CEBPZ: variants seen among roughly 807,000 people sequenced by gnomAD.
The protein encoded by CEBPZ is CCAAT/enhancer-binding protein zeta.
CEBPZ carries 78 observed loss-of-function variants against 104.5 expected under a neutral mutation model. That is an observed-to-expected ratio of 0.75 (90% CI 0.62 to 0.90). The LOEUF (loss-of-function observed/expected upper bound fraction) is 0.90. CEBPZ is among the 40% of genes least tolerant of loss of function. The pLI, the probability that CEBPZ is intolerant of heterozygous loss-of-function variation, is 0.00. For synonymous variants in CEBPZ, 470 were observed against 427.0 expected, an observed-to-expected ratio of 1.10 and a Z score of -1.24; for missense variants, 1,439 against 1,233.5, an observed-to-expected ratio of 1.17 and a Z score of -2.50.
At chr2:37,212,932 G>T (rs142156281) in intron 10 of CEBPZ, among the ~76,000 whole-genome samples, 1 of 150,154 alleles carries the variant, frequency 6.7e-6, no homozygotes, top group African/African-American at 2.5e-5. Flanking sequence ...CCAGCTACCC[G>T]TGGGGCTGAG....
rs544897966 is a variant in CEBPZ, at chr2:37,212,351, C to T, written c.2587G>A (p.Asp863Asn). The change falls in exon 11 of 16, where the codon GAT becomes AAT. Residue 863 changes from aspartate to asparagine, a missense_variant. By Grantham distance (23) the Asp-to-Asn change is conservative (BLOSUM62 1). Transcript: ENST00000234170. ...GTATGTTACCCAGCAAAATCCATAT[C>T]ATCCTTTCCAGAGCTGAAACAGTTA... is the stretch of plus-strand genomic sequence containing the variant. ...DDNCFSSGKD[D>N]MDFAGNVKKR... 4.6e-5 allele frequency: 74 copies of T among 1,613,538 alleles called. No individual in the cohort carries two copies. The East Asian group carries it at 1.5e-3, about 34-fold the overall frequency.
rs751735282 is a variant in CEBPZ at position 37,222,369 on chromosome 2, A to G, written c.2065+11T>C. 1 of 1,565,282 alleles carries G rather than the reference A, an allele frequency of 6.4e-7. No individual in the cohort carries two copies. On this transcript the variant is annotated intron_variant, in intron 4 of 15. Transcript: ENST00000234170. ...CAAACTCCCTAGAGAATAAAGATGA[A>G]AAAAACTCACCTTTCAAATTATCAA...
chr2:37,226,016 A>G (rs538552819), intron 2 of CEBPZ, among the ~76,000 whole-genome samples: 2 of 146,568 alleles, frequency 1.4e-5, no homozygotes, highest in South Asian at 4.6e-4. Flanking sequence ...TGATGCAAAG[A>G]CCTTTGTTCA....
At chr2:37,230,007 T>G (rs1315749943) in intron 1 of CEBPZ, among the ~76,000 whole-genome samples, 1 of 152,168 alleles carries the variant, frequency 6.6e-6, no homozygotes, top group African/African-American at 2.4e-5. Flanking sequence ...TTCTACAAAT[T>G]TATACTACAT....
intron 13 of CEBPZ, among the ~76,000 whole-genome samples, chr2:37,208,272 AG>A (rs1677605209): frequency 6.6e-6 from 1 of 152,208 alleles, no homozygotes; most frequent in Non-Finnish European, 1.5e-5. Context: ...ATAGGGAAAG[AG>A]GGAATCCTCC....
Position 37,216,420 on chromosome 2 carries a change from T to A in CEBPZ, c.2209-2A>T, listed in dbSNP as rs756382535. ...CCCTGAATACTGAATATAGTTTCCC[T>A]GAAAAGTGGAGCGGGGATTTAAAAA... On this transcript the variant is annotated splice_acceptor_variant, in intron 6 of 15. Transcript: ENST00000234170. LOFTEE classifies it high-confidence loss of function. The A allele has an allele frequency of 6.3e-7, 1 of 1,597,310 alleles. No homozygotes were observed. Among genetic ancestry groups the A allele is most frequent in the Non-Finnish European group, 8.6e-7 (1 of 1,169,580 alleles).
At chr2:37,227,116 C>T (rs1664905242) in intron 2 of CEBPZ, among the ~76,000 whole-genome samples, 1 of 152,174 alleles carries the variant, frequency 6.6e-6, no homozygotes, top group Non-Finnish European at 1.5e-5. Flanking sequence ...GAATGAGTTA[C>T]TGTGTGAATG....
chr2:37,220,492 A>T lies in CEBPZ; in HGVS notation c.2066-19T>A, dbSNP rs1465263570. ...TTCCCACCTAGGAATAACAAAAAAA[A>T]TACGATTTCTCAAATGCTTTCTTCC... On this transcript the variant is annotated intron_variant, in intron 4 of 15. Transcript: ENST00000234170. The T allele has an allele frequency of 3.0e-6, 4 of 1,350,416 alleles. No homozygotes were observed. The highest frequency in any genetic ancestry group is 2.9e-5 in the African/African-American group (2 of 68,334). The allele number at this position is 1,350,416 out of a possible 1,614,324, so 83.7% of individuals were successfully genotyped here.
chr2:37,217,856 C>T (rs535769434), intron 5 of CEBPZ, among the ~76,000 whole-genome samples: 14 of 147,608 alleles, frequency 9.5e-5, no homozygotes, highest in Admixed American at 4.1e-4. Context: ...GAGCCGAGAT[C>T]GCGCCACTGC....
rs2148368827 is a variant in CEBPZ at position 37,231,205 on chromosome 2, A to G, written c.156+207T>C. On this transcript the variant is annotated intron_variant, in intron 1 of 15. Transcript: ENST00000234170. ...TCGCCTACATCCTAAGAATAGCCAGAGAATACAACGTTCAATTCGAAACTT... is the reference window on the plus strand; with the variant it reads ...TCGCCTACATCCTAAGAATAGCCAGGGAATACAACGTTCAATTCGAAACTT... 3 of 727,862 alleles carry G rather than the reference A, an allele frequency of 4.1e-6. No individual in the cohort carries two copies. In the Admixed American group the frequency reaches 6.0e-5, roughly 15 times the overall value. The allele number at this position is 727,862 out of a possible 1,614,324, so 45.1% of individuals were successfully genotyped here.
intron 1 of CEBPZ, among the ~76,000 whole-genome samples, chr2:37,230,765 G>C (rs1558481242): frequency 6.6e-6 from 1 of 152,046 alleles, no homozygotes; most frequent in East Asian, 1.9e-4. Context: ...GCACTCTTCT[G>C]CCTGTCTTTG....
rs779680144 is a variant in CEBPZ at position 37,222,515 on chromosome 2, T to C, written c.1930A>G (p.Met644Val). ...NFIDANDDED[M>V]EKFTDADKET... The stretch of plus-strand genomic sequence containing the variant: ...TTGTCTGCATCAGTGAATTTTTCCA[T>C]GTCTTCATCATCATTTGCATCAATA... Residue 644 changes from methionine (M) to valine (V), a missense_variant, in exon 4 of 16, where the codon ATG becomes GTG. Physicochemically the swap from Met to Val is conservative, Grantham distance 21 (BLOSUM62 1). Coordinates refer to ENST00000234170, the MANE Select transcript of CEBPZ (RefSeq NM_005760.3). 12 of 1,606,196 alleles carry C rather than the reference T, an allele frequency of 7.5e-6. No homozygotes were observed. Among genetic ancestry groups the C allele is most frequent in the Admixed American group, 1.7e-5 (1 of 58,226 alleles).
intron 13 of CEBPZ, 39 bp downstream of exon 13, chr2:37,210,960 G>T: frequency 6.9e-7 from 1 of 1,442,100 alleles, no homozygotes; most frequent in Non-Finnish European, 9.6e-7. Flanking sequence ...CCTTTCACAT[G>T]GACACTGCTT....
intron 12 of CEBPZ, 55 bp downstream of exon 12, chr2:37,211,788 A>C (rs1677727047): frequency 6.8e-6 from 9 of 1,328,110 alleles, no homozygotes; most frequent in Non-Finnish European, 9.2e-6. Flanking sequence ...AAACAAACTT[A>C]AGGCTAAGGA....
intron 13 of CEBPZ, among the ~76,000 whole-genome samples, chr2:37,206,432 A>G (rs1234251913): frequency 6.6e-6 from 1 of 152,254 alleles, no homozygotes; most frequent in East Asian, 1.9e-4. Flanking sequence ...ATCTTGGCTC[A>G]CTGCGACCTC....
intron 2 of CEBPZ, among the ~76,000 whole-genome samples, chr2:37,224,455 A>C (rs1664838770): frequency 6.6e-6 from 1 of 152,240 alleles, no homozygotes; most frequent in Non-Finnish European, 1.5e-5. Context: ...AAAAATACTT[A>C]AGCTTGTGAA....
chr2:37,202,000 C>T, intron 15 of CEBPZ, 97 bp from the exon 16 acceptor site: 4 of 1,194,996 alleles, frequency 3.3e-6, no homozygotes, highest in Non-Finnish European at 4.7e-6. Flanking sequence ...TTCTAGCCTG[C>T]CTTGGCCTGT....
Position 37,227,626 on chromosome 2 carries a change from TG to T in CEBPZ, c.1566del (p.Ser523ValfsTer5). On this transcript the variant is annotated frameshift_variant, in exon 2 of 16. Transcript: ENST00000234170. LOFTEE classifies it high-confidence loss of function. Reference protein sequence around the residue: ...FKVLHIVNFNTSVQALMLLFQ... With the variant: ...FKVLHIVNFNXSVQALMLLFQ... ...AAAAGCAACATTAAAGCCTGGACAC[TG>T]GTATTAAAATTCACAATATGCAACA... 1 of 1,614,118 alleles carries T rather than the reference TG, an allele frequency of 6.2e-7. No homozygotes were observed. Among genetic ancestry groups the T allele is most frequent in the Non-Finnish European group, 8.5e-7 (1 of 1,180,008 alleles).
chr2:37,213,850 A>G lies in CEBPZ; in HGVS notation c.2545+14T>C, dbSNP rs1335533953. The G allele has an allele frequency of 3.8e-6, 6 of 1,563,982 alleles. No homozygotes were observed. Among genetic ancestry groups the G allele is most frequent in the Non-Finnish European group, 4.4e-6 (5 of 1,139,858 alleles). ...TAGTAGATTATTTTACAAAGAGTCA[A>G]CAAAACAAATTACCAATCAGCTCTT... is the stretch of plus-strand genomic sequence containing the variant. On this transcript the variant is annotated intron_variant, in intron 10 of 15. Coordinates refer to ENST00000234170, the MANE Select transcript of CEBPZ (RefSeq NM_005760.3).
Sources: gnomAD v4.1 joint callset for allele counts (sites outside exome capture counted in the v4.1 genomes callset) on GRCh38, gnomAD v4.1.1 for gene constraint, MANE v1.5 for transcripts, NCBI Gene and HGNC (gene_info 2026-07-23, HGNC 2026-07-21) for gene names.